TMC7: variants seen among roughly 807,000 people sequenced by gnomAD.
TMC7 encodes the protein transmembrane channel like 7, also known as transmembrane channel-like protein 7.
Under a neutral mutation model 82.9 loss-of-function variants are expected in TMC7, and 54 were observed. The observed-to-expected ratio is 0.65, with a 90% CI of 0.52 to 0.82. The LOEUF is 0.82. TMC7 is among the 40% of genes least tolerant of loss of function. TMC7 has a pLI of 0.00. For missense variants in TMC7, 820 were observed against 901.2 expected (o/e 0.91, Z 1.15); for synonymous variants, 350 against 337.9 (o/e 1.04, Z -0.39).
In TMC7 at chr16:19,037,973, G is replaced by C; in HGVS notation, c.1105G>C (p.Val369Leu). 1 of 1,614,084 alleles carries C rather than the reference G, an allele frequency of 6.2e-7. No individual in the cohort carries two copies. The highest frequency in any genetic ancestry group is 8.5e-7 in the Non-Finnish European group (1 of 1,180,012). The change falls in exon 8 of 16, where the codon GTT (valine) becomes CTT (leucine). Residue 369 changes from valine (V) to leucine (L), a missense_variant. By Grantham distance (32) the Val-to-Leu change is conservative (BLOSUM62 1). Transcript: ENST00000304381. ...YSLRLFLNCI[V>L]LAVLGACFYA... Reference sequence around the variant, plus strand: ...TTTGAGACTGTTTTTGAACTGTATTGTTCTGGCTGTTTTAGGGGCATGCTT... The same window carrying C: ...TTTGAGACTGTTTTTGAACTGTATTCTTCTGGCTGTTTTAGGGGCATGCTT...
At chr16:19,040,067 G>A (rs1333704123) in intron 8 of TMC7, among the ~76,000 whole-genome samples, 2 of 125,776 alleles carry the variant, frequency 1.6e-5, no homozygotes. Flanking sequence ...AGTGAGCCGA[G>A]ATTATGTCCC....
At chr16:18,990,873 G>A (rs551788673) in intron 1 of TMC7, among the ~76,000 whole-genome samples, 1 of 152,268 alleles carries the variant, frequency 6.6e-6, no homozygotes, top group African/African-American at 2.4e-5. Flanking sequence ...AATATCATCA[G>A]TTAAGGCTGT....
chr16:18,993,218 T>C (rs1239341927), intron 1 of TMC7, among the ~76,000 whole-genome samples: 2 of 151,884 alleles, frequency 1.3e-5, no homozygotes, highest in Non-Finnish European at 2.9e-5. Flanking sequence ...TTCATCAGGG[T>C]GAAAGTGTTG....
chr16:18,984,553 C>G (rs763968270), intron 1 of TMC7: 2 of 1,003,180 alleles, frequency 2.0e-6, no homozygotes, highest in Non-Finnish European at 2.4e-6. Flanking sequence ...CGAATTCTGC[C>G]TTGTCTGTTT....
intron 1 of TMC7, among the ~76,000 whole-genome samples, chr16:18,987,566 AAAG>A (rs1164786922): frequency 2.6e-5 from 4 of 152,078 alleles, no homozygotes; most frequent in Non-Finnish European, 5.9e-5. Context: ...TCGGCCTCCC[AAAG>A]TACTGGGATT....
chr16:19,045,138 T>C (rs1459870278), intron 10 of TMC7, 137 bp downstream of exon 10: 1 of 876,584 alleles, frequency 1.1e-6, no homozygotes, highest in Non-Finnish European at 1.9e-6. Flanking sequence ...AGACAGAGTC[T>C]GGCCCCATGG....
At chr16:19,049,354 G>A (rs1383177242) in intron 12 of TMC7, among the ~76,000 whole-genome samples, 2 of 152,102 alleles carry the variant, frequency 1.3e-5, no homozygotes. Context: ...TTAGGAAGCT[G>A]AAGTTCAGAG....
intron 1 of TMC7, among the ~76,000 whole-genome samples, chr16:19,001,506 C>T (rs1461798728): frequency 6.6e-6 from 1 of 152,110 alleles, no homozygotes; most frequent in African/African-American, 2.4e-5. Context: ...CATAACGAGA[C>T]CTCATCTCTA....
At chr16:18,985,612 G>C (rs1179174299) in intron 1 of TMC7, among the ~76,000 whole-genome samples, 1 of 151,660 alleles carries the variant, frequency 6.6e-6, no homozygotes, top group Non-Finnish European at 1.5e-5. Flanking sequence ...TTTGCTAAGT[G>C]TATGAGGGGA....
chr16:19,046,565 G>A (rs1364305671), intron 11 of TMC7, among the ~76,000 whole-genome samples: 1 of 152,176 alleles, frequency 6.6e-6, no homozygotes, highest in Non-Finnish European at 1.5e-5. Flanking sequence ...CCTGGGCACA[G>A]TGGCTCACAC....
chr16:19,048,137 AT>A (rs113659581), intron 12 of TMC7, among the ~76,000 whole-genome samples: 629 of 137,540 alleles, frequency 4.6e-3, no homozygotes, highest in African/African-American at 7.8e-3. Flanking sequence ...GTTTTTTTGA[AT>A]TTTTTTTTTT....
chr16:18,996,868 T>A (rs1240575472), intron 1 of TMC7, among the ~76,000 whole-genome samples: 1 of 152,204 alleles, frequency 6.6e-6, no homozygotes. Context: ...CAGGCAGGTG[T>A]CCCCGCAGTG....
chr16:19,056,768 C>CG (rs1961794239), intron 14 of TMC7, 71 bp downstream of exon 14: 16 of 1,532,614 alleles, frequency 1.0e-5, no homozygotes, highest in African/African-American at 1.4e-5. Flanking sequence ...GCGGTCGGGG[C>CG]GGGGTCACCC....
intron 1 of TMC7, among the ~76,000 whole-genome samples, chr16:19,005,157 T>C (rs533980217): frequency 2.6e-5 from 4 of 152,120 alleles, no homozygotes; most frequent in African/African-American, 7.2e-5. Flanking sequence ...GGCAAAATCT[T>C]GGCTCACCAC....
chr16:18,985,758 CTG>C (rs1317722596), intron 1 of TMC7, among the ~76,000 whole-genome samples: 1 of 141,520 alleles, frequency 7.1e-6, no homozygotes, highest in African/African-American at 2.6e-5. Flanking sequence ...TCAGAAGGGA[CTG>C]TGTTTGTAAC....
Position 18,984,103 on chromosome 16 carries a change from C to G in TMC7, c.40C>G (p.Pro14Ala). 6.7e-7 allele frequency: 1 copy of G among 1,503,312 alleles called. No homozygotes were observed. The highest frequency in any genetic ancestry group is 1.2e-5 in the South Asian group (1 of 80,520). The allele number at this position is 1,503,312 out of a possible 1,614,324, so 93.1% of individuals were successfully genotyped here. ...CGGCAGTGCGCTCCAGCCCGGCAGG[C>G]CCAGCCGGCAGCCGGCGGTCCATCC... ...SSGSALQPGR[P>A]SRQPAVHPEN... The change falls in exon 1 of 16, where the codon CCC (proline) becomes GCC (alanine). Residue 14 changes from proline to alanine, a missense_variant. Transcript: ENST00000304381.
chr16:19,035,069 A>G (rs1219428770), intron 6 of TMC7, among the ~76,000 whole-genome samples: 2 of 152,248 alleles, frequency 1.3e-5, no homozygotes, highest in Non-Finnish European at 2.9e-5. Context: ...TGTGGTACAC[A>G]TACACCATGG....
intron 14 of TMC7, 89 bp from the exon 15 acceptor site, chr16:19,059,327 C>T (rs1232205196): frequency 1.5e-5 from 23 of 1,553,554 alleles, no homozygotes; most frequent in Non-Finnish European, 2.0e-5. Context: ...AAGAGTAAAA[C>T]TGTTCCAAGG....
chr16:19,016,692 T>C, intron 3 of TMC7, 94 bp downstream of exon 3: 1 of 1,343,450 alleles, frequency 7.4e-7, no homozygotes, highest in Non-Finnish European at 1.0e-6. Flanking sequence ...TAGCTGAAAT[T>C]GAGCATTTCT....
Sources: allele counts gnomAD v4.1 joint callset (sites outside exome capture counted in the v4.1 genomes callset), GRCh38; gene constraint gnomAD v4.1.1; transcripts MANE v1.5; gene names NCBI Gene and HGNC (gene_info 2026-07-23, HGNC 2026-07-21).